The following CKB variants were observed in gnomAD, a reference collection of about 807,000 sequenced individuals.
The protein encoded by CKB is creatine kinase B.
CKB carries 15 observed loss-of-function variants against 36.9 expected under a neutral mutation model. The ratio of observed to expected loss-of-function variants is 0.41; its 90% CI spans 0.27 to 0.63. The LOEUF (loss-of-function observed/expected upper bound fraction) is 0.63, where lower values mean the gene tolerates loss of function less well. CKB is among the 20% of genes least tolerant of loss of function. CKB has a pLI of 0.34. For synonymous variants in CKB, 250 were observed against 228.2 expected, an observed-to-expected ratio of 1.10 and a Z score of -0.86; for missense variants, 413 against 534.9, an observed-to-expected ratio of 0.77 and a Z score of 2.25.
At chr14:103,521,090 C>G (rs1484319768) in intron 5 of CKB, 173 bp downstream of exon 5, 3 of 848,374 alleles carry the variant, frequency 3.5e-6, no homozygotes, top group Non-Finnish European at 5.7e-6. Context: ...GCCAAGGTCA[C>G]CGGCGCAGGA....
chr14:103,521,096 C>T (rs747645661), intron 5 of CKB, 167 bp downstream of exon 5: 9 of 870,034 alleles, frequency 1.0e-5, no homozygotes, highest in Middle Eastern at 2.9e-4. Flanking sequence ...GTCACCGGCG[C>T]AGGAGGAGGC....
rs1186022671 is a variant in CKB, at chr14:103,522,265, GGGGGGCCGGGACCCCGGCCCCGA to G, written c.193+13_193+35del. 6.4e-7 allele frequency: 1 copy of G among 1,571,106 alleles called. No homozygotes were observed. The highest frequency in any genetic ancestry group is 8.6e-7 in the Non-Finnish European group (1 of 1,161,468). ...GGACCCTGCGGCTGCGCGGGGGGAG[GGGGGGCCGGGACCCCGGCCCCGA>G]GGGGTCGCGTACCCGGGTTGTCCAC... On this transcript the variant is annotated intron_variant, in intron 2 of 7. Transcript: ENST00000348956. The surrounding 1 kb of genome is among the most constrained non-coding windows in gnomAD (Gnocchi z 6.7).
chr14:103,521,213 G>GAGGT (rs767291625), intron 5 of CKB, 50 bp downstream of exon 5: 2 of 1,533,376 alleles, frequency 1.3e-6, no homozygotes, highest in Non-Finnish European at 1.7e-6. Flanking sequence ...AGGGAAAGCG[G>GAGGT]AGGTAGCGGG....
In CKB at chr14:103,520,041, G is replaced by A. The variant is rs912637608; in HGVS notation, c.969C>T (p.Gly323=). ...KRLRLQKRGT[G]GVDTAAVGGV... is the part of the protein sequence containing the mutation. ...CGCCCACCGCAGCCGTGTCCACACC[G>A]CCTGGGGAGACAGCAAGTCAGGGCG... Residue 323 remains glycine, a splice_region_variant and synonymous_variant, in exon 8 of 8, where the codon GGC becomes GGT. Transcript: ENST00000348956. The A allele has an allele frequency of 1.2e-6, 2 of 1,609,702 alleles. No individual in the cohort carries two copies. The highest frequency in any genetic ancestry group is 2.2e-5 in the East Asian group (1 of 44,842).
chr14:103,522,007 G>T lies in CKB; in HGVS notation c.348+16C>A. On this transcript the variant is annotated intron_variant, in intron 3 of 7. Transcript: ENST00000348956. This position sits in a 1 kb window ranked among gnomAD's most constrained non-coding sequence, Gnocchi z 6.7. ...GACCCCGGCCCCGCCCGCCCGGCCC[G>T]CCCGCAGCCCCGCACCTGCAGGTTG... The T allele has an allele frequency of 1.2e-6, 1 of 823,112 alleles. No homozygotes were observed. The highest frequency in any genetic ancestry group is 1.8e-6 in the Non-Finnish European group (1 of 550,732). The allele number at this position is 823,112 out of a possible 1,614,324, so 51.0% of individuals were successfully genotyped here.
chr14:103,520,611 C>G lies in CKB; in HGVS notation c.654-19G>C, dbSNP rs771627562. 5.0e-6 allele frequency: 8 copies of G among 1,606,824 alleles called. No homozygotes were observed. The East Asian group carries it at 1.3e-4, about 27-fold the overall frequency. ...ATTGTGCCTGCGGGAGGGCTGGTCT[C>G]AGGGCATACCCAGAAAAAAGCCCCA... is the stretch of plus-strand genomic sequence containing the variant. On this transcript the variant is annotated intron_variant, in intron 5 of 7. Coordinates refer to ENST00000348956, the MANE Select transcript of CKB (RefSeq NM_001823.5).
intron 5 of CKB, 75 bp from the exon 6 acceptor site, chr14:103,520,667 G>T: frequency 6.6e-7 from 1 of 1,509,328 alleles, no homozygotes; most frequent in Non-Finnish European, 8.9e-7. Flanking sequence ...AACTTCCCAA[G>T]TCCCTGAGGT....
chr14:103,521,519 C>G, intron 4 of CKB, 85 bp from the exon 5 acceptor site: 2 of 1,287,950 alleles, frequency 1.6e-6, no homozygotes, highest in Non-Finnish European at 2.0e-6. Context: ...CGTGCCCCAC[C>G]TCGGGGGACG....
chr14:103,521,124 C>G, intron 5 of CKB, 139 bp downstream of exon 5: 1 of 1,095,462 alleles, frequency 9.1e-7, no homozygotes, highest in Non-Finnish European at 1.3e-6. Context: ...GGAACCCAGA[C>G]CCGGAGCGCG....
In CKB at chr14:103,521,296, A is replaced by T. The variant is rs745686895; in HGVS notation, c.620T>A (p.Met207Lys). 3.7e-6 allele frequency: 6 copies of T among 1,604,506 alleles called. No homozygotes were observed. Among genetic ancestry groups the T allele is most frequent in the Non-Finnish European group, 5.1e-6 (6 of 1,177,906 alleles). Reference sequence around the variant, plus strand: ...GCGGGCGTCGGGCCAGTCGCGGGCCATGCCCGAGGCCAGCAGCAGGGGCGA... The same window carrying T: ...GCGGGCGTCGGGCCAGTCGCGGGCCTTGCCCGAGGCCAGCAGCAGGGGCGA... ...PVSPLLLASG[M>K]ARDWPDARGI... is the part of the protein sequence containing the mutation. Residue 207 changes from methionine (M) to lysine (K), a missense_variant, in exon 5 of 8, where the codon ATG becomes AAG. Transcript: ENST00000348956.
At position 103,521,401 on chromosome 14, in the gene CKB, C is replaced by T; in HGVS notation, c.515G>A (p.Arg172Gln). ...CGTCATGCTCTTGAGCGCGTAGTATCGGCCCGCCAGGTCGCCGTCCAGGCT... is the reference window on the plus strand; with the variant it reads ...CGTCATGCTCTTGAGCGCGTAGTATTGGCCCGCCAGGTCGCCGTCCAGGCT... The part of the protein sequence containing the change: ...LSSLDGDLAG[R>Q]YYALKSMTEA... Residue 172 changes from arginine to glutamine, a missense_variant, in exon 5 of 8, where the codon CGA becomes CAA. Transcript: ENST00000348956. 2 of 1,605,554 alleles carry T rather than the reference C, an allele frequency of 1.2e-6. No homozygotes were observed. Among genetic ancestry groups the T allele is most frequent in the East Asian group, 2.2e-5 (1 of 44,628 alleles).
In CKB at chr14:103,521,292, G is replaced by A. The variant is rs2075898704; in HGVS notation, c.624C>T (p.Ala208=). ...VSPLLLASGM[A]RDWPDARGIW... Reference sequence around the variant, plus strand: ...TACCGCGGGCGTCGGGCCAGTCGCGGGCCATGCCCGAGGCCAGCAGCAGGG... The same window carrying A: ...TACCGCGGGCGTCGGGCCAGTCGCGAGCCATGCCCGAGGCCAGCAGCAGGG... The change falls in exon 5 of 8, where the codon GCC becomes GCT. Residue 208 remains alanine (A), a synonymous_variant. Transcript: ENST00000348956. 2 of 1,603,358 alleles carry A rather than the reference G, an allele frequency of 1.2e-6. No individual in the cohort carries two copies. The highest frequency in any genetic ancestry group is 2.7e-5 in the African/African-American group (2 of 74,802).
chr14:103,521,141 C>G, intron 5 of CKB, 122 bp downstream of exon 5: 1 of 1,245,698 alleles, frequency 8.0e-7, no homozygotes, highest in South Asian at 1.3e-5. Flanking sequence ...CGCGGCCGGC[C>G]CCTCCCTCCT....
chr14:103,522,377 G>A lies in CKB; in HGVS notation c.117C>T (p.Tyr39=). 1 of 1,611,746 alleles carries A rather than the reference G, an allele frequency of 6.2e-7. No homozygotes were observed. Among genetic ancestry groups the A allele is most frequent in the Admixed American group, 1.7e-5 (1 of 59,922 alleles). The change falls in exon 2 of 8, where the codon TAC becomes TAT. Residue 39 remains tyrosine, a synonymous_variant. Transcript: ENST00000348956. The surrounding 1 kb of genome is among the most constrained non-coding windows in gnomAD (Gnocchi z 6.7). ...GCGTGCTCTTGGCGCGCAGCTCCGC[G>A]TACAGCTCGGGGGTCAGCACCTTGG... ...HMAKVLTPEL[Y]AELRAKSTPS...
intron 5 of CKB, 158 bp from the exon 6 acceptor site, chr14:103,520,750 A>AACCGGG: frequency 9.6e-7 from 1 of 1,038,104 alleles, no homozygotes; most frequent in Non-Finnish European, 1.4e-6. Context: ...CGGGCGGGGG[A>AACCGGG]ACCGGGACGC....
chr14:103,522,580 G>GCCCCCCCCCCCCCCCCCCCCC lies in CKB; in HGVS notation c.-12-76_-12-75insGGGGGGGGGGGGGGGGGGGGG. On this transcript the variant is annotated intron_variant, in intron 1 of 7. Coordinates refer to ENST00000348956, the MANE Select transcript of CKB (RefSeq NM_001823.5). The surrounding 1 kb of genome is among the most constrained non-coding windows in gnomAD (Gnocchi z 6.7). ...GCTCCCGCGTACCACTCAGGCCCCC[G>GCCCCCCCCCCCCCCCCCCCCC]CCGCCGGGCCCCCCGGCGCCCCCCG... The GCCCCCCCCCCCCCCCCCCCCC allele has an allele frequency of 2.4e-6, 1 of 408,734 alleles. No homozygotes were observed. The highest frequency in any genetic ancestry group is 3.7e-6 in the Non-Finnish European group (1 of 271,300). 25.3% of individuals were successfully genotyped at this position (408,734 alleles called of 1,614,324 possible).
Position 103,522,656 on chromosome 14 carries a change from A to C in CKB, c.-13+110T>G. ...CGCAGCGCGCGCGGGGAGCGCCATC[A>C]TCGCCGGGGACCCCCGGCCGGTCCG... On this transcript the variant is annotated intron_variant, in intron 1 of 7. Transcript: ENST00000348956. This position sits in a 1 kb window ranked among gnomAD's most constrained non-coding sequence, Gnocchi z 6.7. The C allele has an allele frequency of 1.0e-5, 3 of 298,870 alleles. No homozygotes were observed. Among genetic ancestry groups the C allele is most frequent in the Non-Finnish European group, 1.7e-5 (3 of 181,388 alleles). The allele number at this position is 298,870 out of a possible 1,614,324, so 18.5% of individuals were successfully genotyped here. A position where few individuals can be genotyped will look rare whatever the true frequency, so the allele number is the denominator to read the frequency against.
At position 103,522,291 on chromosome 14, in the gene CKB, G is replaced by A. The variant is rs545580102; in HGVS notation, c.193+10C>T. 56 of 1,600,132 alleles carry A rather than the reference G, an allele frequency of 3.5e-5. No homozygotes were observed. The South Asian group carries it at 5.4e-4, about 15-fold the overall frequency. On this transcript the variant is annotated intron_variant, in intron 2 of 7. Coordinates refer to ENST00000348956, the MANE Select transcript of CKB (RefSeq NM_001823.5). This position sits in a 1 kb window ranked among gnomAD's most constrained non-coding sequence, Gnocchi z 6.7. The stretch of plus-strand genomic sequence containing the variant: ...GGGGGCCGGGACCCCGGCCCCGAGG[G>A]GTCGCGTACCCGGGTTGTCCACGCC...
In CKB at chr14:103,520,453, G is replaced by GC. The variant is rs2075892479; in HGVS notation, c.777+15dup. ...TGCTGGGGCCCTGGGGTCTGGGCCTGCCCCGTCCCTGGCACCTGGGTGAGG... is the reference window on the plus strand; with the variant it reads ...TGCTGGGGCCCTGGGGTCTGGGCCTGCCCCCGTCCCTGGCACCTGGGTGAGG... On this transcript the variant is annotated intron_variant, in intron 6 of 7. Coordinates refer to ENST00000348956, the MANE Select transcript of CKB (RefSeq NM_001823.5). 3 of 1,597,424 alleles carry GC rather than the reference G, an allele frequency of 1.9e-6. No homozygotes were observed. The highest frequency in any genetic ancestry group is 2.6e-6 in the Non-Finnish European group (3 of 1,171,776).
Sources: allele counts gnomAD v4.1 joint callset, GRCh38; gene constraint gnomAD v4.1.1; non-coding constraint Gnocchi (gnomAD v3.1); transcripts MANE v1.5; gene names NCBI Gene and HGNC (gene_info 2026-07-23, HGNC 2026-07-21).